BZW2: variants seen among roughly 807,000 people sequenced by gnomAD.
The protein encoded by BZW2 is basic leucine zipper and W2 domains 2.
Under a neutral mutation model 53.2 loss-of-function variants are expected in BZW2, and 23 were observed. The observed-to-expected ratio is 0.43, with a 90% CI of 0.31 to 0.61. BZW2 has a LOEUF of 0.61. Ranked by LOEUF, BZW2 falls within the 20% of genes least tolerant of loss-of-function variation. The probability of loss-of-function intolerance (pLI) is 0.09; values close to 1 mark genes in which losing one functional copy is unlikely to be tolerated. For synonymous variants in BZW2, 227 were observed against 186.4 expected, an observed-to-expected ratio of 1.22 and a Z score of -1.77; for missense variants, 409 against 503.1, an observed-to-expected ratio of 0.81 and a Z score of 1.79.
At chr7:16,652,886 T>C (rs1445680941) in intron 1 of BZW2, among the ~76,000 whole-genome samples, 1 of 152,230 alleles carries the variant, frequency 6.6e-6, no homozygotes, top group Non-Finnish European at 1.5e-5. Context: ...CTTTTTTATT[T>C]CCTTTAATTC....
intron 11 of BZW2, among the ~76,000 whole-genome samples, 168 bp from the exon 12 acceptor site, chr7:16,705,892 G>A (rs1370498149): frequency 6.6e-6 from 1 of 151,932 alleles, no homozygotes; most frequent in Non-Finnish European, 1.5e-5. Context: ...GCAGAAAAGA[G>A]CAAGAGTTTG....
At chr7:16,653,186 G>T (rs1243723295) in intron 1 of BZW2, among the ~76,000 whole-genome samples, 3 of 152,126 alleles carry the variant, frequency 2.0e-5, no homozygotes, top group African/African-American at 7.2e-5. Flanking sequence ...CACCACCTTT[G>T]AGCTTCCTGA....
At chr7:16,697,084 T>C in intron 9 of BZW2, 23 bp downstream of exon 9, 1 of 1,606,766 alleles carries the variant, frequency 6.2e-7, no homozygotes, top group African/African-American at 1.3e-5. Context: ...AGCAAGGAAC[T>C]GACCCAGCCA....
chr7:16,694,444 T>C (rs1285220268), intron 7 of BZW2, among the ~76,000 whole-genome samples: 1 of 151,940 alleles, frequency 6.6e-6, no homozygotes, highest in African/African-American at 2.4e-5. Context: ...GGGGGCTGAG[T>C]GTGCTAGCTC....
At chr7:16,695,467 G>A (rs1783450428) in intron 8 of BZW2, among the ~76,000 whole-genome samples, 1 of 152,150 alleles carries the variant, frequency 6.6e-6, no homozygotes, top group African/African-American at 2.4e-5. Context: ...TTCCTGTCAT[G>A]GGAAAAGACT....
intron 5 of BZW2, among the ~76,000 whole-genome samples, chr7:16,683,377 A>G (rs191518604): frequency 2.6e-5 from 4 of 152,334 alleles, no homozygotes; most frequent in Admixed American, 1.3e-4. Context: ...TTTTCCATTA[A>G]TATTTAATGT....
chr7:16,670,142 C>T (rs1051327261), intron 2 of BZW2, among the ~76,000 whole-genome samples: 13 of 152,148 alleles, frequency 8.5e-5, no homozygotes, highest in Non-Finnish European at 1.2e-4. Flanking sequence ...TTAGTCCTTT[C>T]GGTCCATCAT....
chr7:16,655,789 G>A (rs912285969), intron 1 of BZW2, among the ~76,000 whole-genome samples: 2 of 152,152 alleles, frequency 1.3e-5, no homozygotes, highest in East Asian at 3.9e-4. Flanking sequence ...CAAAGTGCTG[G>A]GATTACAGAT....
chr7:16,655,734 C>G (rs1782105267), intron 1 of BZW2, among the ~76,000 whole-genome samples: 1 of 152,078 alleles, frequency 6.6e-6, no homozygotes, highest in Non-Finnish European at 1.5e-5. Flanking sequence ...GTGATACCAA[C>G]TTTTTTAGAT....
intron 5 of BZW2, among the ~76,000 whole-genome samples, chr7:16,683,202 TAAAATA>T (rs1293886480): frequency 6.6e-6 from 1 of 151,992 alleles, no homozygotes; most frequent in Non-Finnish European, 1.5e-5. Context: ...TCTCAAAAAA[TAAAATA>T]AAATAAAATT....
At chr7:16,697,092 C>T (rs1227078516) in intron 9 of BZW2, 31 bp downstream of exon 9, 3 of 1,602,162 alleles carry the variant, frequency 1.9e-6, no homozygotes, top group Admixed American at 1.7e-5. Context: ...ACTGACCCAG[C>T]CAAGGGCAAA....
At chr7:16,686,320 C>A in intron 6 of BZW2, 1 of 339,032 alleles carries the variant, frequency 2.9e-6, no homozygotes. Flanking sequence ...ATGCCTAGGT[C>A]AAATACCCCG....
intron 10 of BZW2, 69 bp downstream of exon 10, chr7:16,698,255 A>G (rs758390217): frequency 3.5e-5 from 55 of 1,589,912 alleles, no homozygotes; most frequent in Non-Finnish European, 4.4e-5. Flanking sequence ...AGAGCAGGCA[A>G]TGAGGCAGAG....
intron 1 of BZW2, among the ~76,000 whole-genome samples, chr7:16,650,891 C>A (rs2128349523): frequency 6.6e-6 from 1 of 152,272 alleles, no homozygotes; most frequent in Non-Finnish European, 1.5e-5. Flanking sequence ...TGTAAACTAT[C>A]TATTTTGAAA....
chr7:16,678,055 C>T (rs843882), intron 3 of BZW2, among the ~76,000 whole-genome samples: 32,473 of 145,176 alleles, frequency 0.22, 3,937 homozygotes, highest in East Asian at 0.37. Context: ...AGAAATTTTC[C>T]TGACACTCAC....
At chr7:16,693,329 A>G (rs1320095003) in intron 7 of BZW2, among the ~76,000 whole-genome samples, 1 of 152,162 alleles carries the variant, frequency 6.6e-6, no homozygotes, top group South Asian at 2.1e-4. Context: ...CTGAATAATG[A>G]TTTTCAATGT....
chr7:16,681,671 A>G (rs1218798932), intron 4 of BZW2, among the ~76,000 whole-genome samples: 6 of 152,102 alleles, frequency 3.9e-5, no homozygotes, highest in Admixed American at 6.5e-5. Context: ...TCTCTACTAA[A>G]AAATACAAAA....
intron 10 of BZW2, among the ~76,000 whole-genome samples, chr7:16,703,717 G>A (rs1783745710): frequency 6.6e-6 from 1 of 152,046 alleles, no homozygotes; most frequent in Non-Finnish European, 1.5e-5. Flanking sequence ...AACATTGGGA[G>A]ACTATGTACA....
rs534405039 is a variant in BZW2 at position 16,682,581 on chromosome 7, G to A, written c.340-199G>A. On this transcript the variant is annotated intron_variant, in intron 4 of 11. Transcript: ENST00000258761. ...CTTGAATGAATTTGTTTTATCTTAC[G>A]TGTACATTTTGATCATATTTGTTCC... Among the ~76,000 whole-genome samples, 9 of 151,518 alleles carry A rather than the reference G, an allele frequency of 5.9e-5. No homozygotes were observed. The South Asian group carries it at 1.0e-3, about 18-fold the overall frequency.
Sources: allele counts gnomAD v4.1 joint callset (sites outside exome capture counted in the v4.1 genomes callset), GRCh38; gene constraint gnomAD v4.1.1; transcripts MANE v1.5; gene names NCBI Gene and HGNC (gene_info 2026-07-23, HGNC 2026-07-21).